The following ZNF571 variants were observed in gnomAD, a reference collection of about 807,000 sequenced individuals.
ZNF571 encodes zinc finger protein 571.
In ZNF571, 4 loss-of-function variants were observed where a neutral mutation model predicts 7.7. The observed-to-expected ratio is 0.52, with a 90% CI of 0.25 to 1.18. The LOEUF (loss-of-function observed/expected upper bound fraction) is 1.18. ZNF571 is among the 50% of genes most tolerant of loss of function. ZNF571 has a pLI of 0.14. For synonymous variants in ZNF571, 251 were observed against 232.4 expected (o/e 1.08, Z -0.73); for missense variants, 704 against 726.9 (o/e 0.97, Z 0.36).
chr19:37,591,484 A>T (rs12162238), intron 1 of ZNF571, among the ~76,000 whole-genome samples: 26,136 of 152,202 alleles, frequency 0.17, 2,505 homozygotes, highest in Middle Eastern at 0.3. Flanking sequence ...GCACCAACTC[A>T]TTTCTCTGAA....
Position 37,565,117 on chromosome 19 carries a change from A to ATGTTCACTAAGT in ZNF571, c.1299_1310dup (p.Gln433_Glu436dup). The ATGTTCACTAAGT allele has an allele frequency of 3.7e-6, 6 of 1,613,286 alleles. No homozygotes were observed. The highest frequency in any genetic ancestry group is 5.1e-6 in the Non-Finnish European group (6 of 1,179,462). ...GTTTCTCACCTGTATGAATTCTCTG[A>ATGTTCACTAAGT]TGTTCACTAAGTTGTTTGCCACAAA... On this transcript the variant is annotated inframe_insertion, in exon 4 of 4. Transcript: ENST00000451802.
intron 3 of ZNF571, among the ~76,000 whole-genome samples, chr19:37,579,649 T>C (rs147112021): frequency 6.6e-6 from 1 of 152,286 alleles, no homozygotes; most frequent in Non-Finnish European, 1.5e-5. Context: ...CTCATTACAT[T>C]TTGCAGGTGT....
At chr19:37,576,328 T>C (rs191156041) in intron 3 of ZNF571, among the ~76,000 whole-genome samples, 6 of 152,144 alleles carry the variant, frequency 3.9e-5, no homozygotes, top group African/African-American at 1.2e-4. Context: ...AACAAATAGG[T>C]TTGGTCCTGG....
intron 3 of ZNF571, among the ~76,000 whole-genome samples, chr19:37,580,890 C>T (rs969337158): frequency 6.6e-6 from 1 of 152,180 alleles, no homozygotes; most frequent in Non-Finnish European, 1.5e-5. Flanking sequence ...ATTACCCAGC[C>T]TCAGGTATCC....
intron 3 of ZNF571, among the ~76,000 whole-genome samples, chr19:37,568,310 A>T (rs2042933114): frequency 7.8e-6 from 1 of 128,626 alleles, no homozygotes; most frequent in Non-Finnish European, 1.6e-5. Flanking sequence ...TAAAAACAAA[A>T]GCAACTACCC....
chr19:37,581,820 G>T (rs1183397574), intron 3 of ZNF571, among the ~76,000 whole-genome samples: 1 of 151,520 alleles, frequency 6.6e-6, no homozygotes, highest in Non-Finnish European at 1.5e-5. Flanking sequence ...AACCTCTCCT[G>T]ATTCTGTGGT....
intron 3 of ZNF571, among the ~76,000 whole-genome samples, chr19:37,579,953 CTAT>C (rs1356204020): frequency 6.6e-6 from 1 of 152,042 alleles, no homozygotes; most frequent in Admixed American, 6.5e-5. Context: ...ATATTGCTAC[CTAT>C]TATTCTGGAA....
Position 37,565,891 on chromosome 19 carries a change from CT to C in ZNF571, c.536del (p.Lys179SerfsTer172). On this transcript the variant is annotated frameshift_variant, in exon 4 of 4. Coordinates refer to ENST00000451802, the MANE Select transcript of ZNF571 (RefSeq NM_016536.5). LOFTEE classifies it low-confidence loss of function (END_TRUNC). Reference protein sequence around the residue: ...VKKHRNTFSKKPSYIQHQRIQ... With the variant: ...VKKHRNTFSKXPSYIQHQRIQ... ...TTCTCTGATGTTGAATATAGCTTGG[CT>C]TTTTGCTAAAGGTATTCCTGTGTTT... The C allele has an allele frequency of 6.2e-7, 1 of 1,613,840 alleles. No individual in the cohort carries two copies. The highest frequency in any genetic ancestry group is 8.5e-7 in the Non-Finnish European group (1 of 1,179,874).
intron 3 of ZNF571, among the ~76,000 whole-genome samples, chr19:37,581,789 G>GA (rs35272779): frequency 0.25 from 36,640 of 147,408 alleles, 5,176 homozygotes; most frequent in East Asian, 0.63. Flanking sequence ...ATTCTCCTGT[G>GA]AAAAAAAAAC....
intron 1 of ZNF571, among the ~76,000 whole-genome samples, chr19:37,592,052 G>A (rs181735228): frequency 6.6e-6 from 1 of 152,090 alleles, no homozygotes; most frequent in Admixed American, 6.5e-5. Flanking sequence ...GAGGTCAGGA[G>A]TTGCAGACCA....
Position 37,564,828 on chromosome 19 carries a change from G to GTT in ZNF571, c.1598_1599dup (p.Gln534AsnfsTer17). 1.2e-6 allele frequency: 2 copies of GTT among 1,613,692 alleles called. No homozygotes were observed. The highest frequency in any genetic ancestry group is 1.1e-5 in the South Asian group (1 of 91,032). ...CCACGAATAAAAGCCTTCCCACACTGTTTACATTCATAAGGTTTTTCACCT... is the reference window on the plus strand; with the variant it reads ...CCACGAATAAAAGCCTTCCCACACTGTTTTTACATTCATAAGGTTTTTCACCT... On this transcript the variant is annotated frameshift_variant, in exon 4 of 4. Coordinates refer to ENST00000451802, the MANE Select transcript of ZNF571 (RefSeq NM_016536.5). LOFTEE classifies it low-confidence loss of function (END_TRUNC).
chr19:37,564,659 T>G lies in ZNF571; in HGVS notation c.1769A>C (p.Gln590Pro). 1 of 1,608,220 alleles carries G rather than the reference T, an allele frequency of 6.2e-7. No homozygotes were observed. The highest frequency in any genetic ancestry group is 8.5e-7 in the Non-Finnish European group (1 of 1,177,020). The change falls in exon 4 of 4, where the codon CAG (glutamine) becomes CCG (proline). Residue 590 changes from glutamine to proline, a missense_variant. Gln to Pro is a moderately conservative substitution (Grantham distance 76). Transcript: ENST00000451802. ...AGGACATCTAAAGTCTTTACCACACTGGACACATGTATAGGGTTTCTCACC... is the reference window on the plus strand; with the variant it reads ...AGGACATCTAAAGTCTTTACCACACGGGACACATGTATAGGGTTTCTCACC... Reference protein sequence around the residue: ...HTGEKPYTCVQCGKDFRCPSQ... With the variant: ...HTGEKPYTCVPCGKDFRCPSQ...
chr19:37,571,592 A>C (rs1440568158), intron 3 of ZNF571, among the ~76,000 whole-genome samples: 2 of 152,182 alleles, frequency 1.3e-5, no homozygotes, highest in African/African-American at 4.8e-5. Flanking sequence ...ACTTAGACTT[A>C]AGATTTTTCA....
At chr19:37,588,305 G>GA (rs543500159) in intron 1 of ZNF571, among the ~76,000 whole-genome samples, 7 of 151,942 alleles carry the variant, frequency 4.6e-5, no homozygotes, top group African/African-American at 1.4e-4. Flanking sequence ...GCAAGAATTG[G>GA]AAAAAAATGC....
chr19:37,571,288 AG>A (rs1160382849), intron 3 of ZNF571, among the ~76,000 whole-genome samples: 2 of 152,070 alleles, frequency 1.3e-5, no homozygotes, highest in Non-Finnish European at 2.9e-5. Flanking sequence ...TCAGGTCGGG[AG>A]TTTGAGACCA....
chr19:37,571,331 A>C (rs1489610901), intron 3 of ZNF571, among the ~76,000 whole-genome samples: 2 of 152,100 alleles, frequency 1.3e-5, no homozygotes, highest in African/African-American at 4.8e-5. Context: ...TCCCAGCTCT[A>C]CTAAAAATAC....
At chr19:37,573,741 G>T in intron 3 of ZNF571, among the ~76,000 whole-genome samples, 1 of 151,302 alleles carries the variant, frequency 6.6e-6, no homozygotes, top group South Asian at 2.1e-4. Context: ...ATGCTAAGGT[G>T]GGAGGATCAC....
At chr19:37,578,545 G>T (rs1165448667) in intron 3 of ZNF571, among the ~76,000 whole-genome samples, 1 of 152,178 alleles carries the variant, frequency 6.6e-6, no homozygotes, top group Non-Finnish European at 1.5e-5. Context: ...GAGCAGCTTG[G>T]TGCCAGCTGC....
Position 37,571,355 on chromosome 19 carries a change from G to C in ZNF571, c.137-5064C>G, listed in dbSNP as rs1600477847. 2.0e-5 allele frequency among the ~76,000 whole-genome samples: 3 copies of C among 152,032 alleles called. No individual in the cohort carries two copies. In the South Asian group the frequency reaches 6.2e-4, roughly 32 times the overall value. On this transcript the variant is annotated intron_variant, in intron 3 of 3. Transcript: ENST00000451802. Reference sequence around the variant, plus strand: ...TACTAAAAATACAAAAATTAGACAGGGATGGTGGCAGGCACCTGTAATCCC... The same window carrying C: ...TACTAAAAATACAAAAATTAGACAGCGATGGTGGCAGGCACCTGTAATCCC...
Sources: gnomAD v4.1 joint callset for allele counts (sites outside exome capture counted in the v4.1 genomes callset) on GRCh38, gnomAD v4.1.1 for gene constraint, MANE v1.5 for transcripts, NCBI Gene and HGNC (gene_info 2026-07-23, HGNC 2026-07-21) for gene names.